STAU1: variants seen among roughly 807,000 people sequenced by gnomAD.
The protein encoded by STAU1 is double-stranded RNA-binding protein Staufen homolog 1.
In STAU1, 13 loss-of-function variants were observed where a neutral mutation model predicts 62.9. The ratio of observed to expected loss-of-function variants is 0.21; its 90% CI spans 0.13 to 0.33. The LOEUF (loss-of-function observed/expected upper bound fraction) is 0.33. STAU1 is among the 10% of genes least tolerant of loss of function. The pLI is 1.00. For synonymous variants in STAU1, 269 were observed against 265.1 expected (o/e 1.01, Z -0.14); for missense variants, 571 against 712.1 (o/e 0.80, Z 2.25).
chr20:49,206,329 ATAGTT>A, the STAU1 span, among the ~76,000 whole-genome samples: 2 of 151,262 alleles, frequency 1.3e-5, no homozygotes, highest in Non-Finnish European at 2.9e-5. Context: ...ATGTGTGTCC[ATAGTT>A]TAGAGAGTCA....
At chr20:49,217,444 T>A in the STAU1 span, among the ~76,000 whole-genome samples, 1 of 152,082 alleles carries the variant, frequency 6.6e-6, no homozygotes, top group Admixed American at 6.6e-5. Flanking sequence ...ATTTGAAAAC[T>A]ATTAGATGAA....
intron 3 of STAU1, among the ~76,000 whole-genome samples, chr20:49,160,685 A>C (rs2093434529): frequency 1.3e-5 from 2 of 152,192 alleles, no homozygotes; most frequent in Admixed American, 1.3e-4. Flanking sequence ...TCATTCTCTA[A>C]GATAAGGGGA....
At position 49,114,600 on chromosome 20, in the gene STAU1, AACCAGCTGGC is replaced by A; in HGVS notation, c.*268_*277del. 2.2e-6 allele frequency: 1 copy of A among 451,132 alleles called. No homozygotes were observed. Among genetic ancestry groups the A allele is most frequent in the Non-Finnish European group, 4.0e-6 (1 of 250,284 alleles). 27.9% of individuals were successfully genotyped at this position (451,132 alleles called of 1,614,324 possible). A position where few individuals can be genotyped will look rare whatever the true frequency, so the allele number is the denominator to read the frequency against. On this transcript the variant is annotated 3_prime_UTR_variant, in exon 14 of 14. Coordinates refer to ENST00000371856, the MANE Select transcript of STAU1 (RefSeq NM_017453.4). ...TGTGGATCTGCTGGTGTCCCGGGAG[AACCAGCTGGC>A]TGGGCAGCCCTTCTTCCCCACAGGC...
chr20:49,186,078 G>A (rs905117295), intron 1 of STAU1, among the ~76,000 whole-genome samples: 2 of 152,188 alleles, frequency 1.3e-5, no homozygotes, highest in East Asian at 1.9e-4. Context: ...GGGATTACAG[G>A]CGTGAGCCAC....
the STAU1 span, among the ~76,000 whole-genome samples, chr20:49,211,705 AC>A: frequency 6.6e-6 from 1 of 151,788 alleles, no homozygotes; most frequent in Non-Finnish European, 1.5e-5. Context: ...ACGGGGTTTT[AC>A]CATGTTGGCC....
At chr20:49,177,496 G>A (rs971843526) in intron 1 of STAU1, among the ~76,000 whole-genome samples, 1 of 151,926 alleles carries the variant, frequency 6.6e-6, no homozygotes, top group Non-Finnish European at 1.5e-5. Flanking sequence ...GGCTAACACA[G>A]TGAAACCCCG....
chr20:49,142,043 A>G (rs947066981), intron 5 of STAU1, among the ~76,000 whole-genome samples: 26 of 151,282 alleles, frequency 1.7e-4, no homozygotes, highest in African/African-American at 6.1e-4. Flanking sequence ...GGGCAACATA[A>G]TAAGACCTCA....
At chr20:49,175,173 A>G (rs2093643819) in intron 1 of STAU1, among the ~76,000 whole-genome samples, 1 of 147,412 alleles carries the variant, frequency 6.8e-6, no homozygotes, top group Admixed American at 6.7e-5. Flanking sequence ...TAAATAAATA[A>G]TACAAAAATT....
At chr20:49,155,781 G>A (rs1329883651) in intron 3 of STAU1, among the ~76,000 whole-genome samples, 1 of 152,140 alleles carries the variant, frequency 6.6e-6, no homozygotes, top group East Asian at 1.9e-4. Context: ...ATCATTTTAA[G>A]AGCAGCTCTG....
At chr20:49,125,054 T>C (rs2092559563) in intron 6 of STAU1, among the ~76,000 whole-genome samples, 1 of 120,806 alleles carries the variant, frequency 8.3e-6, no homozygotes, top group African/African-American at 3.2e-5. Flanking sequence ...AAAGAGGGAT[T>C]CCCCGCACAC....
In STAU1 at chr20:49,165,868, G is replaced by A; in HGVS notation, c.205+129C>T. 5 of 868,658 alleles carry A rather than the reference G, an allele frequency of 5.8e-6. No individual in the cohort carries two copies. In the South Asian group the frequency reaches 6.2e-5, roughly 11 times the overall value. 53.8% of individuals were successfully genotyped at this position (868,658 alleles called of 1,614,324 possible). A position where few individuals can be genotyped will look rare whatever the true frequency, so the allele number is the denominator to read the frequency against. On this transcript the variant is annotated intron_variant, in intron 3 of 13. Transcript: ENST00000371856. ...TGTTCTATATCTGGGATAAAGAAGT[G>A]TGGGTGGTGATACTTTCTTTTGCTT...
the STAU1 span, among the ~76,000 whole-genome samples, chr20:49,198,595 C>T: frequency 6.6e-6 from 1 of 150,590 alleles, no homozygotes; most frequent in African/African-American, 2.4e-5. Context: ...TTTGGAAGCC[C>T]AAGACAGACA....
chr20:49,196,635 G>C, the STAU1 span, among the ~76,000 whole-genome samples: 1 of 150,988 alleles, frequency 6.6e-6, no homozygotes, highest in Non-Finnish European at 1.5e-5. Context: ...GCGTGGTGGC[G>C]CATGCCTGTA....
chr20:49,143,532 G>A (rs1183337315), intron 5 of STAU1, among the ~76,000 whole-genome samples: 1 of 152,176 alleles, frequency 6.6e-6, no homozygotes, highest in Non-Finnish European at 1.5e-5. Flanking sequence ...GGTCAAGGCT[G>A]TAGTAAGCCA....
At chr20:49,137,130 C>A (rs1333779589) in intron 5 of STAU1, among the ~76,000 whole-genome samples, 1 of 152,156 alleles carries the variant, frequency 6.6e-6, no homozygotes, top group Non-Finnish European at 1.5e-5. Context: ...TGCCTGTAAA[C>A]AGCCACTGAA....
rs1345233164 is a variant in STAU1 at position 49,174,282 on chromosome 20, AAAT to A, written c.-159-16_-159-14del. The A allele has an allele frequency of 5.9e-5, 9 of 152,212 alleles. No homozygotes were observed. Among genetic ancestry groups the A allele is most frequent in the African/African-American group, 1.9e-4 (8 of 41,446 alleles). 9.4% of individuals were successfully genotyped at this position (152,212 alleles called of 1,614,324 possible). A position where few individuals can be genotyped will look rare whatever the true frequency, so the allele number is the denominator to read the frequency against. On this transcript the variant is annotated splice_polypyrimidine_tract_variant and intron_variant, in intron 1 of 13. Coordinates refer to ENST00000371856, the MANE Select transcript of STAU1 (RefSeq NM_017453.4). ...TGGTTAATAAACTCTGGAAAATAAA[AAAT>A]AATAATAATTTAGTAGGGTAGGTCT...
chr20:49,145,923 GA>G (rs2093121537), intron 5 of STAU1, among the ~76,000 whole-genome samples: 1 of 151,172 alleles, frequency 6.6e-6, no homozygotes, highest in East Asian at 1.9e-4. Flanking sequence ...AAATAAAAAA[GA>G]AAAAGAAAAC....
chr20:49,182,483 A>G (rs2093736774), intron 1 of STAU1, among the ~76,000 whole-genome samples: 2 of 152,208 alleles, frequency 1.3e-5, no homozygotes, highest in Admixed American at 1.3e-4. Flanking sequence ...AGGTGAGAAC[A>G]ATGGATTTGG....
At chr20:49,206,465 A>G in the STAU1 span, among the ~76,000 whole-genome samples, 1 of 104,500 alleles carries the variant, frequency 9.6e-6, no homozygotes, top group Non-Finnish European at 1.7e-5. Context: ...TCTGTCGCCC[A>G]GGCTGGAGTG....
Sources: gnomAD v4.1 joint callset for allele counts (sites outside exome capture counted in the v4.1 genomes callset) on GRCh38, gnomAD v4.1.1 for gene constraint, MANE v1.5 for transcripts, NCBI Gene and HGNC (gene_info 2026-07-23, HGNC 2026-07-21) for gene names.